Variants in PLEKHG4B observed in about 807,000 individuals in gnomAD.
PLEKHG4B encodes pleckstrin homology and RhoGEF domain containing G4B.
Under a neutral mutation model 121.3 loss-of-function variants are expected in PLEKHG4B, and 111 were observed. The ratio of observed to expected loss-of-function variants is 0.92; its 90% CI spans 0.78 to 1.07. The LOEUF (loss-of-function observed/expected upper bound fraction) is 1.07. Ranked by LOEUF, PLEKHG4B falls within the 50% of genes least tolerant of loss-of-function variation. The probability of loss-of-function intolerance (pLI) is 0.00; values close to 1 mark genes in which losing one functional copy is unlikely to be tolerated. For missense variants in PLEKHG4B, 1,831 were observed against 1,757.8 expected, an observed-to-expected ratio of 1.04 and a Z score of -0.74; for synonymous variants, 738 against 725.0, an observed-to-expected ratio of 1.02 and a Z score of -0.29.
At chr5:162,682 C>A in intron 12 of PLEKHG4B, 40 bp from the exon 13 acceptor site, 1 of 1,321,376 alleles carries the variant, frequency 7.6e-7, no homozygotes, top group South Asian at 2.3e-5. Flanking sequence ...AGGGCAGCCC[C>A]TCCTCCACTG....
At position 156,064 on chromosome 5, in the gene PLEKHG4B, C is replaced by T. The variant is rs745835930; in HGVS notation, c.2209-7C>T. The T allele has an allele frequency of 3.1e-5, 49 of 1,572,522 alleles. 1 individual carries two copies. In the South Asian group the frequency reaches 3.7e-4, roughly 12 times the overall value. On this transcript the variant is annotated splice_polypyrimidine_tract_variant and splice_region_variant and intron_variant, in intron 9 of 19. Coordinates refer to ENST00000637938, the MANE Select transcript of PLEKHG4B (RefSeq NM_052909.5). The surrounding 1 kb of genome is among the most constrained non-coding windows in gnomAD (Gnocchi z 4.4). The stretch of plus-strand genomic sequence containing the variant: ...GTTAAAGGCTTATTCCTCCCCATCC[C>T]GTGCAGGAAGTCGCCGAGTTAATTG...
At chr5:108,847 G>A (rs1374427734) in intron 1 of PLEKHG4B, among the ~76,000 whole-genome samples, 3 of 152,232 alleles carry the variant, frequency 2.0e-5, no homozygotes, top group Non-Finnish European at 2.9e-5. Context: ...TTCCTAGACA[G>A]GTTTTGATTC....
chr5:94,268 T>G (rs1733562670), intron 1 of PLEKHG4B, among the ~76,000 whole-genome samples: 1 of 152,182 alleles, frequency 6.6e-6, no homozygotes, highest in Non-Finnish European at 1.5e-5. Context: ...CCCACCTGGG[T>G]CGCCCCACAC....
intron 7 of PLEKHG4B, 109 bp downstream of exon 7, chr5:151,708 T>C: frequency 1.5e-6 from 1 of 679,584 alleles, no homozygotes; most frequent in Non-Finnish European, 2.3e-6. Context: ...ATTGCATCCA[T>C]GTGGGAGCCT....
chr5:146,208 TC>T (rs527456709), intron 6 of PLEKHG4B, among the ~76,000 whole-genome samples: 61 of 119,602 alleles, frequency 5.1e-4, no homozygotes, highest in Non-Finnish European at 8.5e-4. Context: ...CTTCTTTTTC[TC>T]CCCCTCCACT....
At chr5:134,182 G>T (rs1734876993) in intron 2 of PLEKHG4B, among the ~76,000 whole-genome samples, 1 of 143,464 alleles carries the variant, frequency 7.0e-6, no homozygotes, top group Non-Finnish European at 1.5e-5. Flanking sequence ...CAGCAACCTG[G>T]ATGGAAGTAG....
rs866748446 is a variant in PLEKHG4B at position 155,400 on chromosome 5, C to T, written c.2165C>T (p.Ser722Leu). Residue 722 changes from serine (S) to leucine (L), a missense_variant, in exon 9 of 20, where the codon TCA becomes TTA. Transcript: ENST00000637938. Reference protein sequence around the residue: ...CEEAIIFLQNSFCSLNTHRTP... With the variant: ...CEEAIIFLQNLFCSLNTHRTP... ...GAAGCCATCATTTTCCTACAGAATTCATTCTGCTCCCTGAACACCCACAGA... is the reference window on the plus strand; with the variant it reads ...GAAGCCATCATTTTCCTACAGAATTTATTCTGCTCCCTGAACACCCACAGA... The T allele has an allele frequency of 6.2e-7, 1 of 1,614,218 alleles. No individual in the cohort carries two copies. Among genetic ancestry groups the T allele is most frequent in the Non-Finnish European group, 8.5e-7 (1 of 1,180,030 alleles).
intron 1 of PLEKHG4B, among the ~76,000 whole-genome samples, chr5:102,495 C>T (rs907985029): frequency 8.6e-5 from 13 of 152,008 alleles, no homozygotes; most frequent in African/African-American, 2.7e-4. Context: ...ACACTGCAAC[C>T]GCCAGTGCTG....
At chr5:95,933 G>T (rs981035494) in intron 1 of PLEKHG4B, among the ~76,000 whole-genome samples, 1 of 152,198 alleles carries the variant, frequency 6.6e-6, no homozygotes, top group African/African-American at 2.4e-5. Flanking sequence ...AAGGTCTAGT[G>T]CAGGAGGTAT....
At chr5:125,783 G>C (rs1213573498) in intron 2 of PLEKHG4B, among the ~76,000 whole-genome samples, 1 of 152,144 alleles carries the variant, frequency 6.6e-6, no homozygotes, top group Non-Finnish European at 1.5e-5. Context: ...TCTGCAGGGT[G>C]GGTCTAGTGG....
intron 14 of PLEKHG4B, among the ~76,000 whole-genome samples, chr5:170,347 G>A (rs567336191): frequency 1.3e-5 from 2 of 151,974 alleles, no homozygotes; most frequent in Admixed American, 1.3e-4. Flanking sequence ...CTGTTGCCCA[G>A]ACTGGAGTGC....
chr5:100,283 A>G (rs1336492512), intron 1 of PLEKHG4B, among the ~76,000 whole-genome samples: 1 of 152,224 alleles, frequency 6.6e-6, no homozygotes, highest in Non-Finnish European at 1.5e-5. Flanking sequence ...ATTACTAGAA[A>G]GTCTGCAGAA....
At position 159,941 on chromosome 5, in the gene PLEKHG4B, C is replaced by T. The variant is rs1406034642; in HGVS notation, c.2488-1842C>T. On this transcript the variant is annotated intron_variant, in intron 11 of 19. Transcript: ENST00000637938. This position sits in a 1 kb window ranked among gnomAD's most constrained non-coding sequence, Gnocchi z 5.5. ...AGGTTTGTGCCCTGGCTGCTCTCTG[C>T]CCACCGTGCTGAGTGTTACGCCTTG... 6.6e-6 allele frequency among the ~76,000 whole-genome samples: 1 copy of T among 152,150 alleles called. No individual in the cohort carries two copies. The highest frequency in any genetic ancestry group is 1.5e-5 in the Non-Finnish European group (1 of 68,020).
chr5:109,618 G>C (rs540454954), intron 1 of PLEKHG4B, among the ~76,000 whole-genome samples: 28 of 152,336 alleles, frequency 1.8e-4, no homozygotes, highest in Admixed American at 7.8e-4. Flanking sequence ...GAGCCAGGGA[G>C]TGCAGATAGG....
At position 156,071 on chromosome 5, in the gene PLEKHG4B, G is replaced by A; in HGVS notation, c.2209G>A (p.Glu737Lys). The A allele has an allele frequency of 6.3e-7, 1 of 1,578,180 alleles. No individual in the cohort carries two copies. The highest frequency in any genetic ancestry group is 1.2e-5 in the South Asian group (1 of 85,694). Residue 737 changes from glutamate to lysine, a missense_variant and splice_region_variant, in exon 10 of 20, where the codon GAA becomes AAA. Coordinates refer to ENST00000637938, the MANE Select transcript of PLEKHG4B (RefSeq NM_052909.5). The surrounding 1 kb of genome is among the most constrained non-coding windows in gnomAD (Gnocchi z 4.4). ...GCTTATTCCTCCCCATCCCGTGCAG[G>A]AAGTCGCCGAGTTAATTGACCAGCA... ...NTHRTPRTAQ[E>K]VAELIDQHET...
intron 2 of PLEKHG4B, among the ~76,000 whole-genome samples, chr5:128,649 A>T (rs1178650539): frequency 6.6e-6 from 1 of 152,222 alleles, no homozygotes; most frequent in Non-Finnish European, 1.5e-5. Flanking sequence ...TTTGCCCTTC[A>T]TGCTTTTGGT....
At chr5:168,830 C>T (rs934685100) in intron 13 of PLEKHG4B, among the ~76,000 whole-genome samples, 1 of 150,352 alleles carries the variant, frequency 6.7e-6, no homozygotes, top group Non-Finnish European at 1.5e-5. Flanking sequence ...TGAGTCGCTC[C>T]TTGCTGAGGA....
chr5:125,322 A>T (rs1229057645), intron 2 of PLEKHG4B, among the ~76,000 whole-genome samples: 1 of 152,138 alleles, frequency 6.6e-6, no homozygotes, highest in Non-Finnish European at 1.5e-5. Flanking sequence ...AAAGTCTTAA[A>T]TTCTTTCCTT....
chr5:164,794 G>A (rs1441093970), intron 13 of PLEKHG4B, among the ~76,000 whole-genome samples: 6 of 123,756 alleles, frequency 4.8e-5, no homozygotes, highest in Admixed American at 8.0e-5. Flanking sequence ...ATGCTCTGAC[G>A]GGGCGGAGCT....
Sources: allele counts gnomAD v4.1 joint callset (sites outside exome capture counted in the v4.1 genomes callset), GRCh38; gene constraint gnomAD v4.1.1; non-coding constraint Gnocchi (gnomAD v3.1); transcripts MANE v1.5; gene names NCBI Gene and HGNC (gene_info 2026-07-23, HGNC 2026-07-21).